Variants in C22orf42 observed in about 807,000 individuals in gnomAD.
C22orf42 encodes the protein chromosome 22 open reading frame 42.
In C22orf42, 24 loss-of-function variants were observed where a neutral mutation model predicts 31.4. The ratio of observed to expected loss-of-function variants is 0.77; its 90% CI spans 0.55 to 1.08. The LOEUF (loss-of-function observed/expected upper bound fraction) is 1.08. C22orf42 is among the 50% of genes least tolerant of loss of function. The probability of loss-of-function intolerance (pLI) is 0.00; values close to 1 mark genes in which losing one functional copy is unlikely to be tolerated. For missense variants in C22orf42, 276 were observed against 327.3 expected, an observed-to-expected ratio of 0.84 and a Z score of 1.21; for synonymous variants, 96 against 112.7, an observed-to-expected ratio of 0.85 and a Z score of 0.94.
At chr22:32,151,798 C>T (rs116829978) in intron 4 of C22orf42, among the ~76,000 whole-genome samples, 8,662 of 152,200 alleles carry the variant, frequency 0.057, 271 homozygotes, top group Non-Finnish European at 0.071. Context: ...CCCTAAGAAC[C>T]GGTTAACACA....
chr22:32,149,629 A>T lies in C22orf42; in HGVS notation c.683-16T>A. On this transcript the variant is annotated splice_polypyrimidine_tract_variant and intron_variant, in intron 8 of 8. Transcript: ENST00000382097. ...TTAACCCAGCCTAGGGGAAAAGAAC[A>T]AGACTTCATCTCAAAAAAAAAATAT... 1 of 1,444,760 alleles carries T rather than the reference A, an allele frequency of 6.9e-7. No homozygotes were observed. The highest frequency in any genetic ancestry group is 9.2e-7 in the Non-Finnish European group (1 of 1,092,146). The allele number at this position is 1,444,760 out of a possible 1,614,324, so 89.5% of individuals were successfully genotyped here. A position where few individuals can be genotyped will look rare whatever the true frequency, so the allele number is the denominator to read the frequency against.
Position 32,152,563 on chromosome 22 carries a change from A to G in C22orf42, c.371T>C (p.Ile124Thr). 1.2e-6 allele frequency: 2 copies of G among 1,604,856 alleles called. No individual in the cohort carries two copies. Among genetic ancestry groups the G allele is most frequent in the East Asian group, 2.2e-5 (1 of 44,866 alleles). The change falls in exon 3 of 9, where the codon ATT (isoleucine) becomes ACT (threonine). Residue 124 changes from isoleucine to threonine, a missense_variant and splice_region_variant. Transcript: ENST00000382097. ...GGVEENMTSD[I>T]EIPEAKHDHR... ...TCCAGAGAAAGAAATACATCTTACA[A>G]TATCTGATGTCATATTCTCCTCCAC...
At chr22:32,155,198 G>C (rs1303613047) in intron 1 of C22orf42, among the ~76,000 whole-genome samples, 1 of 152,130 alleles carries the variant, frequency 6.6e-6, no homozygotes, top group East Asian at 1.9e-4. Flanking sequence ...CTTCTCACAA[G>C]CTTTGTCAAA....
At chr22:32,153,011 T>G (rs986810218) in intron 2 of C22orf42, among the ~76,000 whole-genome samples, 6 of 152,234 alleles carry the variant, frequency 3.9e-5, no homozygotes, top group Non-Finnish European at 8.8e-5. Flanking sequence ...GCCACTACAT[T>G]GATCATCTAC....
chr22:32,154,821 A>G (rs1289249834), intron 1 of C22orf42, among the ~76,000 whole-genome samples: 3 of 152,244 alleles, frequency 2.0e-5, no homozygotes, highest in African/African-American at 4.8e-5. Flanking sequence ...CAATCATTCA[A>G]TGTCTGGGAG....
Position 32,153,642 on chromosome 22 carries a change from G to GA in C22orf42, c.307+601dup. Among the ~76,000 whole-genome samples the GA allele has an allele frequency of 2.0e-5, 3 of 152,238 alleles. No individual in the cohort carries two copies. The East Asian group carries it at 5.8e-4, about 29-fold the overall frequency. On this transcript the variant is annotated intron_variant, in intron 2 of 8. Transcript: ENST00000382097. ...TAAATTCTACCGAAATTCTTACAAA[G>GA]AAAAATGTAGTCTTACCATACAAGC...
In C22orf42 at chr22:32,152,495, T is replaced by C. The variant is rs893070309; in HGVS notation, c.372+67A>G. On this transcript the variant is annotated intron_variant, in intron 3 of 8. Coordinates refer to ENST00000382097, the MANE Select transcript of C22orf42 (RefSeq NM_001010859.3). ...GATGGCAGTCAAAAATGATACTCAC[T>C]TGATATTCTAGAAGCCCCAGAAAAA... The C allele has an allele frequency of 6.7e-6, 9 of 1,343,130 alleles. No individual in the cohort carries two copies. In the African/African-American group the frequency reaches 1.2e-4, roughly 17 times the overall value. The allele number at this position is 1,343,130 out of a possible 1,614,324, so 83.2% of individuals were successfully genotyped here.
intron 2 of C22orf42, among the ~76,000 whole-genome samples, chr22:32,153,957 A>G (rs1171145158): frequency 6.6e-6 from 1 of 152,048 alleles, no homozygotes; most frequent in African/African-American, 2.4e-5. Flanking sequence ...TGGGGAGGTC[A>G]AGATCGCAGT....
intron 1 of C22orf42, among the ~76,000 whole-genome samples, chr22:32,158,431 C>A (rs961480411): frequency 6.6e-6 from 1 of 152,206 alleles, no homozygotes; most frequent in Non-Finnish European, 1.5e-5. Context: ...CTTTTGCAGT[C>A]ATTTGAAGCA....
chr22:32,157,669 C>G (rs1921336779), intron 1 of C22orf42, among the ~76,000 whole-genome samples: 1 of 152,236 alleles, frequency 6.6e-6, no homozygotes, highest in South Asian at 2.1e-4. Flanking sequence ...ATAACAAGAA[C>G]CAAGAGGCAA....
chr22:32,155,961 A>T (rs1457528980), intron 1 of C22orf42, among the ~76,000 whole-genome samples: 1 of 152,170 alleles, frequency 6.6e-6, no homozygotes. Context: ...GTTTGTGCCA[A>T]GGAGTTTGAG....
At chr22:32,157,246 G>A (rs926423217) in intron 1 of C22orf42, among the ~76,000 whole-genome samples, 1 of 151,952 alleles carries the variant, frequency 6.6e-6, no homozygotes, top group African/African-American at 2.4e-5. Flanking sequence ...CAGCCTCCTA[G>A]CTGGTCTCCC....
At position 32,149,632 on chromosome 22, in the gene C22orf42, ACTTCATCTC is replaced by A. The variant is rs1452778422; in HGVS notation, c.683-28_683-20del. On this transcript the variant is annotated intron_variant, in intron 8 of 8. Transcript: ENST00000382097. ...ACCCAGCCTAGGGGAAAAGAACAAG[ACTTCATCTC>A]AAAAAAAAAATATATATATATATAT... The A allele has an allele frequency of 7.1e-7, 1 of 1,417,562 alleles. No individual in the cohort carries two copies. The highest frequency in any genetic ancestry group is 9.2e-7 in the Non-Finnish European group (1 of 1,082,074). The allele number at this position is 1,417,562 out of a possible 1,614,324, so 87.8% of individuals were successfully genotyped here.
At chr22:32,158,856 A>C in intron 1 of C22orf42, 128 bp downstream of exon 1, 1 of 1,040,534 alleles carries the variant, frequency 9.6e-7, no homozygotes, top group Non-Finnish European at 1.4e-6. Context: ...TAGCCCTGGG[A>C]AAGCCGGCTA....
intron 2 of C22orf42, 120 bp from the exon 3 acceptor site, chr22:32,152,746 T>A (rs1485276256): frequency 1.6e-5 from 14 of 882,380 alleles, no homozygotes; most frequent in Non-Finnish European, 1.9e-5. Flanking sequence ...AGGCATGGAC[T>A]GAGCTGCTGC....
chr22:32,159,044 C>T lies in C22orf42; in HGVS notation c.172G>A (p.Ala58Thr), dbSNP rs1921439923. ...AGGCTGAGGTACTGCATGAGTTGGG[C>T]CTTCTTAGCTTTCAAATCCAATTTG... Reference protein sequence around the residue: ...PAKLDLKAKKAQLMQYLSLPK... With the variant: ...PAKLDLKAKKTQLMQYLSLPK... Residue 58 changes from alanine to threonine, a missense_variant, in exon 1 of 9, where the codon GCC becomes ACC. Ala to Thr is a moderately conservative substitution (Grantham distance 58). Coordinates refer to ENST00000382097, the MANE Select transcript of C22orf42 (RefSeq NM_001010859.3). The T allele has an allele frequency of 1.2e-6, 2 of 1,614,164 alleles. No individual in the cohort carries two copies. Among genetic ancestry groups the T allele is most frequent in the East Asian group, 2.2e-5 (1 of 44,882 alleles).
rs2094112181 is a variant in C22orf42 at position 32,150,995 on chromosome 22, G to A, written c.490C>T (p.His164Tyr). The stretch of plus-strand genomic sequence containing the variant: ...CTGTTTAAAAAAAAATACGTACGGT[G>A]GTCGTGCTTGGCCTCAGATATTTCC... ...DIEISEAKHD[H>Y]HLVEDLSESL... is the part of the protein sequence containing the mutation. Residue 164 changes from histidine (H) to tyrosine (Y), a missense_variant, in exon 6 of 9, where the codon CAC becomes TAC. Coordinates refer to ENST00000382097, the MANE Select transcript of C22orf42 (RefSeq NM_001010859.3). 1.2e-6 allele frequency: 2 copies of A among 1,611,934 alleles called. No individual in the cohort carries two copies. Among genetic ancestry groups the A allele is most frequent in the Non-Finnish European group, 1.7e-6 (2 of 1,178,858 alleles).
chr22:32,153,627 C>A (rs1238369319), intron 2 of C22orf42, among the ~76,000 whole-genome samples: 1 of 152,120 alleles, frequency 6.6e-6, no homozygotes, highest in Non-Finnish European at 1.5e-5. Flanking sequence ...TAAATTCTAC[C>A]GAAATTCTTA....
upstream of C22orf42, chr22:32,160,142 T>A (rs1921512763): frequency 6.6e-6 from 1 of 152,116 alleles, no homozygotes; most frequent in South Asian, 2.1e-4. Flanking sequence ...GCAGAATCAA[T>A]CTAGATGGAG....
Sources: gnomAD v4.1 joint callset for allele counts (sites outside exome capture counted in the v4.1 genomes callset) on GRCh38, gnomAD v4.1.1 for gene constraint, MANE v1.5 for transcripts, NCBI Gene and HGNC (gene_info 2026-07-23, HGNC 2026-07-21) for gene names.